Variants in PDCL2 observed in about 807,000 individuals in gnomAD.
PDCL2 encodes the protein phosducin like 2, also known as phosducin-like protein 2.
A neutral mutation model predicts 30.3 loss-of-function variants in PDCL2; 23 were observed. The ratio of observed to expected loss-of-function variants is 0.76; its 90% confidence interval spans 0.55 to 1.08. The LOEUF (loss-of-function observed/expected upper bound fraction) is 1.08, where lower values mean the gene tolerates loss of function less well. Ranked by LOEUF, PDCL2 falls within the 50% of genes least tolerant of loss-of-function variation. The pLI is 0.00. For synonymous variants in PDCL2, 68 were observed against 86.2 expected (o/e 0.79, Z 1.17); for missense variants, 243 against 282.3 (o/e 0.86, Z 1.00).
At chr4:55,575,226 T>C (rs1732532942) in intron 3 of PDCL2, among the ~76,000 whole-genome samples, 1 of 152,094 alleles carries the variant, frequency 6.6e-6, no homozygotes, top group South Asian at 2.1e-4. Flanking sequence ...ATGTCAGAAG[T>C]GGTATGAGTA....
At chr4:55,588,422 C>G (rs904572869) in intron 1 of PDCL2, among the ~76,000 whole-genome samples, 2 of 151,734 alleles carry the variant, frequency 1.3e-5, no homozygotes, top group Non-Finnish European at 2.9e-5. Context: ...ATCAAGGACT[C>G]TCTTATCTAC....
intron 3 of PDCL2, among the ~76,000 whole-genome samples, chr4:55,580,112 G>A (rs1732674080): frequency 6.6e-6 from 1 of 150,624 alleles, no homozygotes; most frequent in Admixed American, 6.6e-5. Flanking sequence ...CTCCCAAAGT[G>A]CTAGGATTAC....
intron 3 of PDCL2, among the ~76,000 whole-genome samples, chr4:55,572,762 T>C (rs545558586): frequency 2.0e-5 from 3 of 151,586 alleles, no homozygotes; most frequent in Non-Finnish European, 4.4e-5. Context: ...TGTTTCTTCT[T>C]CTTCTTTTTT....
chr4:55,565,021 G>A (rs1442780129), intron 4 of PDCL2, among the ~76,000 whole-genome samples: 1 of 152,056 alleles, frequency 6.6e-6, no homozygotes, highest in African/African-American at 2.4e-5. Flanking sequence ...AACCACCTTT[G>A]TAAAGCTAAG....
At chr4:55,559,186 C>A (rs912507877) in intron 5 of PDCL2, among the ~76,000 whole-genome samples, 7 of 152,162 alleles carry the variant, frequency 4.6e-5, no homozygotes, top group African/African-American at 1.7e-4. Flanking sequence ...TAAATTGATA[C>A]TTTCATTTAC....
intron 4 of PDCL2, among the ~76,000 whole-genome samples, chr4:55,567,504 C>A (rs1732298999): frequency 6.6e-6 from 1 of 152,098 alleles, no homozygotes; most frequent in Admixed American, 6.5e-5. Flanking sequence ...TCACTGTACT[C>A]CAGCTTGGGA....
Position 55,560,621 on chromosome 4 carries a change from A to C in PDCL2, c.571+1783T>G, listed in dbSNP as rs73155699. Among the ~76,000 whole-genome samples, 611 of 152,294 alleles carry C rather than the reference A, an allele frequency of 4.0e-3. 4 individuals are homozygous for C. The highest frequency in any genetic ancestry group is 0.014 in the African/African-American group (581 of 41,546). On this transcript the variant is annotated intron_variant, in intron 5 of 5. Transcript: ENST00000295645. ...ACAGAGTGAGATGCTATCTCAAAAA[A>C]ATAGCTGAAGCAAGCATAAACAAAT...
intron 4 of PDCL2, among the ~76,000 whole-genome samples, chr4:55,564,147 A>G (rs948423508): frequency 1.3e-5 from 2 of 152,224 alleles, no homozygotes; most frequent in African/African-American, 4.8e-5. Context: ...GAGTCCACTA[A>G]TATCTAATTC....
At chr4:55,561,591 A>C (rs545170909) in intron 5 of PDCL2, among the ~76,000 whole-genome samples, 1 of 152,262 alleles carries the variant, frequency 6.6e-6, no homozygotes, top group African/African-American at 2.4e-5. Context: ...CAAACAAAAA[A>C]CAAAAACCGA....
In PDCL2 at chr4:55,562,627, A is replaced by G. The variant is rs1732164625; in HGVS notation, c.363-15T>C. On this transcript the variant is annotated splice_polypyrimidine_tract_variant and intron_variant, in intron 4 of 5. Transcript: ENST00000295645. ...ACATTGGGATGCTAAAAAGAGAAAC[A>G]GTACACACAATCTTTAATAAATGGG... 1.3e-6 allele frequency: 2 copies of G among 1,522,016 alleles called. No individual in the cohort carries two copies. Among genetic ancestry groups the G allele is most frequent in the Non-Finnish European group, 8.9e-7 (1 of 1,123,900 alleles). The allele number at this position is 1,522,016 out of a possible 1,614,324, so 94.3% of individuals were successfully genotyped here. A position where few individuals can be genotyped will look rare whatever the true frequency, so the allele number is the denominator to read the frequency against.
intron 1 of PDCL2, among the ~76,000 whole-genome samples, chr4:55,591,062 T>C (rs1732985602): frequency 6.6e-6 from 1 of 152,194 alleles, no homozygotes; most frequent in African/African-American, 2.4e-5. Context: ...ATCTGCAATG[T>C]TTTTACACAC....
intron 5 of PDCL2, among the ~76,000 whole-genome samples, chr4:55,560,753 G>A (rs1436104622): frequency 1.3e-5 from 2 of 152,110 alleles, no homozygotes; most frequent in East Asian, 3.9e-4. Flanking sequence ...TTAAGAGGTG[G>A]GGACTTTGGG....
intron 1 of PDCL2, among the ~76,000 whole-genome samples, chr4:55,588,572 A>C (rs921203766): frequency 6.6e-6 from 1 of 152,170 alleles, no homozygotes; most frequent in Non-Finnish European, 1.5e-5. Flanking sequence ...AGGACCTCTT[A>C]AGGCTGTGTC....
chr4:55,565,706 C>A (rs1338625253), intron 4 of PDCL2, among the ~76,000 whole-genome samples: 1 of 152,168 alleles, frequency 6.6e-6, no homozygotes, highest in Non-Finnish European at 1.5e-5. Context: ...CATTCCCAAC[C>A]AATCAGCAGT....
At chr4:55,590,233 G>C (rs1235388804) in intron 1 of PDCL2, among the ~76,000 whole-genome samples, 2 of 124,916 alleles carry the variant, frequency 1.6e-5, no homozygotes, top group African/African-American at 5.8e-5. Flanking sequence ...AGTAAGGTTT[G>C]TTGTGCGGAT....
At position 55,592,115 on chromosome 4, in the gene PDCL2, G is replaced by A. The variant is rs1385776465; in HGVS notation, c.-6C>T. The A allele has an allele frequency of 8.1e-6, 13 of 1,609,368 alleles. No homozygotes were observed. The highest frequency in any genetic ancestry group is 1.1e-5 in the Non-Finnish European group (13 of 1,178,452). On this transcript the variant is annotated 5_prime_UTR_variant, in exon 1 of 6. Coordinates refer to ENST00000295645, the MANE Select transcript of PDCL2 (RefSeq NM_152401.3). ...GTCCCGACCCTCACCTGCATGATGC[G>A]CTGCTCTGCCCCTCAAGAGCCCGCG...
At chr4:55,561,458 G>A (rs1382571417) in intron 5 of PDCL2, among the ~76,000 whole-genome samples, 1 of 152,120 alleles carries the variant, frequency 6.6e-6, no homozygotes, top group Non-Finnish European at 1.5e-5. Context: ...AGCTACTCGG[G>A]AGGCTGAGGC....
chr4:55,566,346 A>G (rs1237412442), intron 4 of PDCL2, among the ~76,000 whole-genome samples: 1 of 151,470 alleles, frequency 6.6e-6, no homozygotes, highest in Non-Finnish European at 1.5e-5. Flanking sequence ...ATTTTCTGTT[A>G]TATTTTATAA....
intron 1 of PDCL2, among the ~76,000 whole-genome samples, chr4:55,587,247 G>T: frequency 8.5e-6 from 1 of 117,934 alleles, no homozygotes; most frequent in South Asian, 2.7e-4. Context: ...AAAAAAAAAA[G>T]GGACATACTC....
Sources: gnomAD v4.1 joint callset for allele counts (sites outside exome capture counted in the v4.1 genomes callset) on GRCh38, gnomAD v4.1.1 for gene constraint, MANE v1.5 for transcripts, NCBI Gene and HGNC (gene_info 2026-07-23, HGNC 2026-07-21) for gene names.